Variants in TJP2 observed in about 807,000 individuals in gnomAD.
TJP2 encodes the protein tight junction protein 2.
Under a neutral mutation model 133.1 loss-of-function variants are expected in TJP2, and 91 were observed. The observed-to-expected ratio is 0.68, with a 90% CI of 0.58 to 0.81. TJP2 has a LOEUF of 0.81. Ranked by LOEUF, TJP2 falls within the 40% of genes least tolerant of loss-of-function variation. The probability of loss-of-function intolerance (pLI) is 0.00; values close to 1 mark genes in which losing one functional copy is unlikely to be tolerated. For synonymous variants in TJP2, 592 were observed against 583.4 expected, an observed-to-expected ratio of 1.01 and a Z score of -0.21; for missense variants, 1,541 against 1,565.6, an observed-to-expected ratio of 0.98 and a Z score of 0.26.
At chr9:69,231,948 G>A (rs1331807261) in intron 11 of TJP2, among the ~76,000 whole-genome samples, 1 of 152,168 alleles carries the variant, frequency 6.6e-6, no homozygotes, top group Non-Finnish European at 1.5e-5. Flanking sequence ...TGCTCATTAA[G>A]GTTCAATGAT....
At chr9:69,230,335 A>G (rs1829678731) in intron 11 of TJP2, 103 bp downstream of exon 11, 4 of 1,454,976 alleles carry the variant, frequency 2.7e-6, no homozygotes, top group Admixed American at 1.7e-5. Flanking sequence ...CTGGTGAAAT[A>G]GAGCAGCTGC....
intron 1 of TJP2, among the ~76,000 whole-genome samples, chr9:69,192,082 C>T (rs142136433): frequency 6.4e-4 from 98 of 152,024 alleles, no homozygotes; most frequent in Non-Finnish European, 1.3e-3. Context: ...TGTTGATTGC[C>T]GTTGCTACAG....
In TJP2 at chr9:69,221,110, G is replaced by A. The variant is rs755883991; in HGVS notation, c.566G>A (p.Arg189Gln). Residue 189 changes from arginine (R) to glutamine (Q), a missense_variant, in exon 5 of 23, where the codon CGG (arginine) becomes CAG (glutamine). By Grantham distance (43) the Arg-to-Gln change is conservative. Transcript: ENST00000377245. Reference sequence around the variant, plus strand: ...CATGAGCGGGCCCGGAGCCGGGAGCGGGACCTCAGCCGGGACCGGAGCCGT... The same window carrying A: ...CATGAGCGGGCCCGGAGCCGGGAGCAGGACCTCAGCCGGGACCGGAGCCGT... ...RPHERARSRE[R>Q]DLSRDRSRGR... The A allele has an allele frequency of 8.8e-6, 14 of 1,585,164 alleles. No individual in the cohort carries two copies. Among genetic ancestry groups the A allele is most frequent in the Non-Finnish European group, 1.2e-5 (14 of 1,166,316 alleles).
intron 1 of TJP2, among the ~76,000 whole-genome samples, chr9:69,148,073 C>T (rs1587907695): frequency 1.3e-5 from 2 of 151,682 alleles, no homozygotes; most frequent in South Asian, 2.1e-4. Flanking sequence ...TACAGGCATG[C>T]GCCACCACGT....
intron 1 of TJP2, among the ~76,000 whole-genome samples, chr9:69,129,250 G>A (rs1240477839): frequency 1.3e-5 from 2 of 152,238 alleles, no homozygotes; most frequent in Non-Finnish European, 2.9e-5. Flanking sequence ...AGGGCCAGAT[G>A]AGGTGGTTCA....
chr9:69,157,892 T>C (rs1477513941), intron 2 of TJP2, among the ~76,000 whole-genome samples: 1 of 152,214 alleles, frequency 6.6e-6, no homozygotes, highest in Non-Finnish European at 1.5e-5. Context: ...AAATCTGTGA[T>C]GTCTGGACAT....
At chr9:69,175,995 C>G (rs1284175710) in intron 1 of TJP2, among the ~76,000 whole-genome samples, 10 of 152,188 alleles carry the variant, frequency 6.6e-5, no homozygotes, top group African/African-American at 2.4e-4. Flanking sequence ...GAACAAGATT[C>G]AATTTCTGCA....
chr9:69,174,592 G>A lies in TJP2; in HGVS notation c.60+160G>A, dbSNP rs1458645661. Among the ~76,000 whole-genome samples the A allele has an allele frequency of 2.6e-5, 4 of 152,232 alleles. No homozygotes were observed. In the East Asian group the frequency reaches 5.8e-4, roughly 22 times the overall value. ...GACGTGGGACGCAGGGGAGGGGTAG[G>A]TTTCACCGTCCGGGCTGATGACTCG... On this transcript the variant is annotated intron_variant, in intron 1 of 22. Transcript: ENST00000377245.
At chr9:69,153,189 C>T (rs968177260) in intron 2 of TJP2, among the ~76,000 whole-genome samples, 3 of 151,848 alleles carry the variant, frequency 2.0e-5, no homozygotes, top group African/African-American at 4.8e-5. Context: ...GCTATAATTG[C>T]ACCACTGCAC....
intron 1 of TJP2, among the ~76,000 whole-genome samples, chr9:69,207,642 C>T (rs868700253): frequency 8.5e-5 from 13 of 152,210 alleles, no homozygotes; most frequent in Non-Finnish European, 1.8e-4. Flanking sequence ...TTCTATGGGC[C>T]TGCCTGTAAA....
intron 17 of TJP2, among the ~76,000 whole-genome samples, chr9:69,243,523 A>G (rs1830710964): frequency 6.6e-6 from 1 of 152,250 alleles, no homozygotes; most frequent in Admixed American, 6.5e-5. Flanking sequence ...AATTTTCTAT[A>G]AAATACATTT....
intron 1 of TJP2, among the ~76,000 whole-genome samples, chr9:69,177,641 TG>T (rs1303936090): frequency 6.7e-6 from 1 of 148,832 alleles, no homozygotes; most frequent in Non-Finnish European, 1.5e-5. Flanking sequence ...ATTTTATTTT[TG>T]TTTTTTTGGT....
intron 19 of TJP2, 29 bp downstream of exon 19, chr9:69,248,253 C>G: frequency 1.3e-6 from 2 of 1,560,510 alleles, no homozygotes; most frequent in Non-Finnish European, 1.7e-6. Flanking sequence ...CGGGCAGGAA[C>G]AGGAGAGCCT....
chr9:69,252,395 C>T (rs1351029207), intron 21 of TJP2, among the ~76,000 whole-genome samples: 2 of 152,126 alleles, frequency 1.3e-5, no homozygotes, highest in Non-Finnish European at 1.5e-5. Flanking sequence ...ATCCTTCCCA[C>T]GTGAAACTCC....
Position 69,221,205 on chromosome 9 carries a change from CT to C in TJP2, c.662del (p.Leu221ArgfsTer90). On this transcript the variant is annotated frameshift_variant, in exon 5 of 23. Transcript: ENST00000377245. LOFTEE classifies it high-confidence loss of function. ...CCGAGACCGCAGCCGTGGCCGGAGC[CT>C]GGAGCGGGGCCTGGACCACGACTTT... Reference protein sequence around the residue: ...RTRDRSRGRSLERGLDHDFGP... With the variant: ...RTRDRSRGRSXERGLDHDFGP... 4 of 1,603,524 alleles carry C rather than the reference CT, an allele frequency of 2.5e-6. No homozygotes were observed. Among genetic ancestry groups the C allele is most frequent in the Non-Finnish European group, 3.4e-6 (4 of 1,175,254 alleles).
rs778334716 is a variant in TJP2, at chr9:69,251,120, A to G, written c.3077A>G (p.Glu1026Gly). 6.2e-7 allele frequency: 1 copy of G among 1,614,048 alleles called. No homozygotes were observed. The highest frequency in any genetic ancestry group is 2.2e-5 in the East Asian group (1 of 44,888). The change falls in exon 21 of 23, where the codon GAA (glutamate) becomes GGA (glycine). Residue 1026 changes from glutamate to glycine, a missense_variant. Physicochemically the swap from Glu to Gly is moderately conservative, Grantham distance 98 (BLOSUM62 -2). Coordinates refer to ENST00000377245, the MANE Select transcript of TJP2 (RefSeq NM_004817.4). ...KSNPSAVAGN[E>G]TPGASTKGYP... The stretch of plus-strand genomic sequence containing the variant: ...AACCCCTCTGCCGTTGCTGGTAATG[A>G]AACTCCTGGGGCATCTACCAAAGGT...
At chr9:69,137,212 CTTT>C (rs1260586710) in intron 1 of TJP2, among the ~76,000 whole-genome samples, 3 of 150,428 alleles carry the variant, frequency 2.0e-5, no homozygotes, top group Non-Finnish European at 4.4e-5. Context: ...TCATGAGCTT[CTTT>C]GTTTTCTTTC....
intron 2 of TJP2, among the ~76,000 whole-genome samples, chr9:69,213,118 C>T (rs77339850): frequency 0.071 from 9,631 of 135,472 alleles, 430 homozygotes; most frequent in East Asian, 0.23. Flanking sequence ...GGCTGGAGTA[C>T]GGTGGTGCAA....
At chr9:69,174,902 A>G (rs975942729) in intron 1 of TJP2, among the ~76,000 whole-genome samples, 2 of 127,336 alleles carry the variant, frequency 1.6e-5, no homozygotes, top group African/African-American at 6.1e-5. Context: ...TAATAGAAGT[A>G]AAAGTTGTTT....
Sources: gnomAD v4.1 joint callset for allele counts (sites outside exome capture counted in the v4.1 genomes callset) on GRCh38, gnomAD v4.1.1 for gene constraint, MANE v1.5 for transcripts, NCBI Gene and HGNC (gene_info 2026-07-23, HGNC 2026-07-21) for gene names.